The following EYS variants were observed in gnomAD, a reference collection of about 807,000 sequenced individuals.
EYS encodes the protein EGF-like photoreceptor maintenance factor.
Under a neutral mutation model 282.1 loss-of-function variants are expected in EYS, and 250 were observed. That is an observed-to-expected ratio of 0.89 (90% CI 0.80 to 0.98). The LOEUF (loss-of-function observed/expected upper bound fraction) is 0.98. EYS is among the 50% of genes least tolerant of loss of function. The pLI is 0.00. For missense variants in EYS, 4,016 were observed against 3,709.0 expected (o/e 1.08, Z -2.15); for synonymous variants, 1,355 against 1,282.9 (o/e 1.06, Z -1.20).
intron 8 of EYS, among the ~76,000 whole-genome samples, chr6:65,381,805 T>C (rs1228320426): frequency 6.6e-6 from 1 of 151,936 alleles, no homozygotes; most frequent in African/African-American, 2.4e-5. Context: ...AAGAAACAAA[T>C]ACACCCCACC....
chr6:65,110,360 A>C, intron 12 of EYS, among the ~76,000 whole-genome samples: 1 of 152,186 alleles, frequency 6.6e-6, no homozygotes, highest in East Asian at 1.9e-4. Flanking sequence ...TTTTGAAAAC[A>C]AATGTGTAAG....
intron 5 of EYS, among the ~76,000 whole-genome samples, chr6:65,440,441 A>AT (rs1768270026): frequency 1.3e-5 from 2 of 151,828 alleles, no homozygotes; most frequent in African/African-American, 4.8e-5. Context: ...AATTTAATAC[A>AT]TTTTCTAAAT....
chr6:65,286,502 AG>A (rs1436594966), intron 12 of EYS, among the ~76,000 whole-genome samples: 1 of 151,818 alleles, frequency 6.6e-6, no homozygotes, highest in Non-Finnish European at 1.5e-5. Context: ...ATTAAAAATC[AG>A]GACCTGTAAC....
intron 18 of EYS, among the ~76,000 whole-genome samples, chr6:64,888,207 C>A (rs1767161475): frequency 6.6e-6 from 1 of 151,792 alleles, no homozygotes; most frequent in African/African-American, 2.4e-5. Context: ...ATTTGGTGTC[C>A]TATTGCACAG....
At chr6:65,077,679 A>T (rs1046822364) in intron 12 of EYS, among the ~76,000 whole-genome samples, 7 of 152,030 alleles carry the variant, frequency 4.6e-5, no homozygotes, top group Non-Finnish European at 8.8e-5. Context: ...TTTTGATGAG[A>T]TTGTATTCAT....
chr6:64,415,179 A>G (rs1449605961), intron 28 of EYS, among the ~76,000 whole-genome samples: 1 of 152,220 alleles, frequency 6.6e-6, no homozygotes, highest in Non-Finnish European at 1.5e-5. Context: ...AATGGATTGT[A>G]GCACCTTTAG....
intron 30 of EYS, among the ~76,000 whole-genome samples, chr6:64,247,122 G>A (rs933668576): frequency 6.6e-6 from 1 of 151,766 alleles, no homozygotes; most frequent in African/African-American, 2.4e-5. Context: ...ATAATACTCT[G>A]GAATACTTCC....
chr6:64,300,766 A>G (rs568391887), intron 30 of EYS, among the ~76,000 whole-genome samples: 4 of 152,342 alleles, frequency 2.6e-5, no homozygotes, highest in African/African-American at 9.6e-5. Flanking sequence ...AGATTGGCCT[A>G]CAATCTTTAT....
chr6:63,736,244 A>T (rs1238847113), intron 41 of EYS, among the ~76,000 whole-genome samples: 1 of 152,150 alleles, frequency 6.6e-6, no homozygotes, highest in Admixed American at 6.6e-5. Flanking sequence ...TCTTTAATCC[A>T]TCTTGAATTA....
At chr6:64,025,648 T>C (rs1769465865) in intron 33 of EYS, among the ~76,000 whole-genome samples, 3 of 152,164 alleles carry the variant, frequency 2.0e-5, no homozygotes, top group African/African-American at 7.2e-5. Context: ...TCCGTCATAG[T>C]GGGGACTACC....
At chr6:64,024,972 T>A (rs1370438814) in intron 33 of EYS, among the ~76,000 whole-genome samples, 1 of 152,188 alleles carries the variant, frequency 6.6e-6, no homozygotes, top group Non-Finnish European at 1.5e-5. Flanking sequence ...GACTTTCGCC[T>A]ATCGCCCAGT....
At chr6:64,673,036 T>G (rs1279548922) in intron 22 of EYS, among the ~76,000 whole-genome samples, 1 of 152,172 alleles carries the variant, frequency 6.6e-6, no homozygotes, top group Non-Finnish European at 1.5e-5. Flanking sequence ...AGTCTTGCTC[T>G]GCTTAAAGCT....
chr6:64,621,294 A>G (rs62415852), intron 23 of EYS, among the ~76,000 whole-genome samples: 16,391 of 152,258 alleles, frequency 0.11, 1,066 homozygotes, highest in East Asian at 0.16. Context: ...TCTAAGATTT[A>G]TATATTTTAT....
chr6:63,922,886 G>A (rs1764611984), intron 35 of EYS, among the ~76,000 whole-genome samples: 1 of 152,212 alleles, frequency 6.6e-6, no homozygotes, highest in Non-Finnish European at 1.5e-5. Flanking sequence ...AGGATTGGGA[G>A]CCAGCTGACC....
At chr6:65,418,039 GAT>G (rs1438287509) in intron 5 of EYS, among the ~76,000 whole-genome samples, 1 of 151,978 alleles carries the variant, frequency 6.6e-6, no homozygotes, top group African/African-American at 2.4e-5. Flanking sequence ...ACTGAATTAT[GAT>G]ATGAGAATGG....
At position 64,460,071 on chromosome 6, in the gene EYS, C is replaced by T. The variant is rs544241745; in HGVS notation, c.5645-20719G>A. Among the ~76,000 whole-genome samples, 3 of 152,076 alleles carry T rather than the reference C, an allele frequency of 2.0e-5. No homozygotes were observed. The South Asian group carries it at 6.2e-4, about 32-fold the overall frequency. ...GAGCCCATTGTTTCAATGCCAGGTC[C>T]CTACATTATTATTTTTTCTTACAAT... is the stretch of plus-strand genomic sequence containing the variant. On this transcript the variant is annotated intron_variant, in intron 26 of 42. Transcript: ENST00000503581.
rs1282561139 is a variant in EYS at position 65,282,281 on chromosome 6, T to C, written c.2023+13582A>G. ...TATTTAAGGTGATGGATCTGTTAAC[T>C]AGTTTGATTTAATTACTCCACATTC... On this transcript the variant is annotated intron_variant, in intron 12 of 42. Transcript: ENST00000503581. 2.6e-5 allele frequency among the ~76,000 whole-genome samples: 4 copies of C among 152,176 alleles called. No homozygotes were observed. In the East Asian group the frequency reaches 7.7e-4, roughly 29 times the overall value.
chr6:64,987,180 G>A lies in EYS; in HGVS notation c.2259+10402C>T, dbSNP rs1355634542. ...CTTGTATTTCAATCTCTGTGGCTAA[G>A]TCCTATCACCTGTTAGCAGATGATT... On this transcript the variant is annotated intron_variant, in intron 14 of 42. Transcript: ENST00000503581. Among the ~76,000 whole-genome samples, 3 of 151,442 alleles carry A rather than the reference G, an allele frequency of 2.0e-5. No individual in the cohort carries two copies. The South Asian group carries it at 6.2e-4, about 31-fold the overall frequency.
chr6:64,172,173 T>G (rs1337146568), intron 31 of EYS, among the ~76,000 whole-genome samples: 1 of 152,174 alleles, frequency 6.6e-6, no homozygotes, highest in East Asian at 1.9e-4. Context: ...AAAATATGCA[T>G]GCACAATTAA....
Sources: allele counts gnomAD v4.1 joint callset (sites outside exome capture counted in the v4.1 genomes callset), GRCh38; gene constraint gnomAD v4.1.1; transcripts MANE v1.5; gene names NCBI Gene and HGNC (gene_info 2026-07-23, HGNC 2026-07-21).